Variants in TMEM53 observed in about 807,000 individuals in gnomAD.
The protein encoded by TMEM53 is transmembrane protein 53, also known as novel DUF829 domain-containing protein.
In TMEM53, 14 loss-of-function variants were observed where a neutral mutation model predicts 21.4. The observed-to-expected ratio is 0.65, with a 90% confidence interval of 0.43 to 1.02. TMEM53 has a LOEUF of 1.02. TMEM53 is among the 50% of genes least tolerant of loss of function. The pLI, the probability that TMEM53 is intolerant of heterozygous loss-of-function variation, is 0.00. For synonymous variants in TMEM53, 148 were observed against 157.4 expected, an observed-to-expected ratio of 0.94 and a Z score of 0.45; for missense variants, 323 against 383.6, an observed-to-expected ratio of 0.84 and a Z score of 1.32.
chr1:44,660,829 C>T (rs2148532047), intron 1 of TMEM53, among the ~76,000 whole-genome samples: 1 of 151,722 alleles, frequency 6.6e-6, no homozygotes, highest in Non-Finnish European at 1.5e-5. Flanking sequence ...AAAAATTAGC[C>T]GTGCGTGGTG....
chr1:44,658,292 AC>A (rs1238723194), intron 2 of TMEM53, among the ~76,000 whole-genome samples: 1 of 151,346 alleles, frequency 6.6e-6, no homozygotes, highest in Non-Finnish European at 1.5e-5. Context: ...CAAAAAACAC[AC>A]CCCCCTCTAC....
chr1:44,664,162 A>AG (rs1203032292), intron 1 of TMEM53, among the ~76,000 whole-genome samples: 1 of 151,132 alleles, frequency 6.6e-6, no homozygotes, highest in East Asian at 2.0e-4. Flanking sequence ...AAAAAAAAAA[A>AG]AAAAAAAGCC....
chr1:44,673,855 G>A, intron 1 of TMEM53: 1 of 985,442 alleles, frequency 1.0e-6, no homozygotes, highest in Non-Finnish European at 1.2e-6. Context: ...CCACTGCCGA[G>A]AAGAGTGGAG....
chr1:44,672,733 G>A (rs1176944369), intron 1 of TMEM53, among the ~76,000 whole-genome samples: 1 of 150,548 alleles, frequency 6.6e-6, no homozygotes, highest in African/African-American at 2.5e-5. Context: ...ATCCGCCACT[G>A]CACTCCGGCC....
At position 44,660,238 on chromosome 1, in the gene TMEM53, A is replaced by C; in HGVS notation, c.119T>G (p.Leu40Arg). The change falls in exon 2 of 3, where the codon CTC becomes CGC. Residue 40 changes from leucine (L) to arginine (R), a missense_variant. By Grantham distance (102) the Leu-to-Arg change is moderately radical (BLOSUM62 -2). This residue lies in a region of TMEM53 where 269 missense variants were observed against 334.5 expected (regional missense o/e 0.80). Transcript: ENST00000372237. ...GTCCTTGCAGCCACCCCAGCCCAAG[A>C]GAATCACCACAGGCTGCCGAGTTTC... The part of the protein sequence containing the change: ...EAETRQPVVI[L>R]LGWGGCKDKN... The C allele has an allele frequency of 6.2e-7, 1 of 1,614,096 alleles. No individual in the cohort carries two copies. Among genetic ancestry groups the C allele is most frequent in the Non-Finnish European group, 8.5e-7 (1 of 1,180,000 alleles).
At chr1:44,664,958 T>A (rs1377343293) in intron 1 of TMEM53, among the ~76,000 whole-genome samples, 1 of 151,794 alleles carries the variant, frequency 6.6e-6, no homozygotes, top group African/African-American at 2.4e-5. Flanking sequence ...TTGCACTTGC[T>A]CTCTGCTCTC....
Position 44,655,456 on chromosome 1 carries a change from C to T in TMEM53, c.184-247G>A, listed in dbSNP as rs1469300609. Among the ~76,000 whole-genome samples, 1 of 152,158 alleles carries T rather than the reference C, an allele frequency of 6.6e-6. No homozygotes were observed. The highest frequency in any genetic ancestry group is 1.9e-4 in the East Asian group (1 of 5,192). On this transcript the variant is annotated intron_variant, in intron 2 of 2. Transcript: ENST00000372237. This position sits in a 1 kb window ranked among gnomAD's most constrained non-coding sequence, Gnocchi z 4.4. The stretch of plus-strand genomic sequence containing the variant: ...ACTAATTGCTTCATGCTGGCCAAGC[C>T]CTCTTGGCCTGGAGTGGTATTTGAG...
At chr1:44,670,844 C>T (rs1225193878) in intron 1 of TMEM53, among the ~76,000 whole-genome samples, 2 of 152,202 alleles carry the variant, frequency 1.3e-5, no homozygotes, top group Non-Finnish European at 2.9e-5. Flanking sequence ...GTTTACTGAA[C>T]ATGAGAGCCA....
chr1:44,673,808 G>GTCGAGT (rs1645044197), intron 1 of TMEM53: 1 of 976,434 alleles, frequency 1.0e-6, no homozygotes, highest in African/African-American at 1.8e-5. Context: ...CAGGATTTCA[G>GTCGAGT]TCGAGTTCTA....
At chr1:44,668,093 T>C (rs895730893) in intron 1 of TMEM53, among the ~76,000 whole-genome samples, 1 of 152,178 alleles carries the variant, frequency 6.6e-6, no homozygotes, top group Non-Finnish European at 1.5e-5. Flanking sequence ...CAGTACAATA[T>C]GTACTTTTTT....
chr1:44,672,139 G>A (rs1182622752), intron 1 of TMEM53, among the ~76,000 whole-genome samples: 1 of 152,162 alleles, frequency 6.6e-6, no homozygotes, highest in East Asian at 1.9e-4. Context: ...TCCTTCTGAG[G>A]GGTTTGACAA....
chr1:44,657,629 C>T (rs1325626993), intron 2 of TMEM53, among the ~76,000 whole-genome samples: 1 of 152,148 alleles, frequency 6.6e-6, no homozygotes, highest in African/African-American at 2.4e-5. Context: ...CCTCAACTTT[C>T]CAGGCTCAGG....
intron 1 of TMEM53, among the ~76,000 whole-genome samples, chr1:44,671,598 T>C (rs1573236318): frequency 1.3e-5 from 2 of 152,058 alleles, no homozygotes; most frequent in East Asian, 3.9e-4. Flanking sequence ...TCTGTCTCCA[T>C]ATAAGAAAAT....
chr1:44,660,123 AGGT>A (rs761438009), intron 2 of TMEM53, 48 bp downstream of exon 2: 1 of 1,583,180 alleles, frequency 6.3e-7, no homozygotes, highest in Non-Finnish European at 8.6e-7. Flanking sequence ...CCTGCCTCAA[AGGT>A]GGTCAGCCCT....
intron 1 of TMEM53, among the ~76,000 whole-genome samples, chr1:44,670,948 G>A (rs1232457505): frequency 1.3e-5 from 2 of 152,200 alleles, no homozygotes; most frequent in Non-Finnish European, 2.9e-5. Context: ...GGGAGGAGGG[G>A]TGGCACGGCC....
intron 2 of TMEM53, among the ~76,000 whole-genome samples, chr1:44,659,317 C>T (rs143386131): frequency 6.6e-6 from 1 of 152,284 alleles, no homozygotes; most frequent in Non-Finnish European, 1.5e-5. Flanking sequence ...GCAGTTGGAG[C>T]TGTCTGTATG....
intron 1 of TMEM53, 200 bp downstream of exon 1, chr1:44,674,131 C>G: frequency 1.0e-6 from 1 of 985,398 alleles, no homozygotes. Flanking sequence ...GCGGGGCTCG[C>G]CAGGGAGGAA....
chr1:44,655,138 T>C lies in TMEM53; in HGVS notation c.255A>G (p.Ser85=). Residue 85 remains serine, a synonymous_variant, in exon 3 of 3, where the codon TCA becomes TCG. Transcript: ENST00000372237. The surrounding 1 kb of genome is among the most constrained non-coding windows in gnomAD (Gnocchi z 4.4). ...VFFSESLGIP[S]LRVLAQKLLE... ...GCAGCTTCTGGGCCAAAACACGAAG[T>C]GAAGGGATACCCAGTGACTCGGAGA... 6.2e-7 allele frequency: 1 copy of C among 1,614,078 alleles called. No homozygotes were observed. Among genetic ancestry groups the C allele is most frequent in the Non-Finnish European group, 8.5e-7 (1 of 1,180,012 alleles).
chr1:44,673,989 C>G, intron 1 of TMEM53: 6 of 985,442 alleles, frequency 6.1e-6, no homozygotes, highest in Non-Finnish European at 7.2e-6. Context: ...CAATCCCAAA[C>G]AAAGGAATCA....
Sources: allele counts gnomAD v4.1 joint callset (sites outside exome capture counted in the v4.1 genomes callset), GRCh38; gene constraint gnomAD v4.1.1; regional missense constraint gnomAD v4.1.1; non-coding constraint Gnocchi (gnomAD v3.1); transcripts MANE v1.5; gene names NCBI Gene and HGNC (gene_info 2026-07-23, HGNC 2026-07-21).